PDSS2: variants seen among roughly 807,000 people sequenced by gnomAD.
PDSS2 encodes the protein decaprenyl diphosphate synthase subunit 2.
In PDSS2, 31 loss-of-function variants were observed where a neutral mutation model predicts 44.5. The observed-to-expected ratio is 0.70, with a 90% CI of 0.52 to 0.94. PDSS2 has a LOEUF of 0.94. Ranked by LOEUF, PDSS2 falls within the 40% of genes least tolerant of loss-of-function variation. The probability of loss-of-function intolerance (pLI) is 0.00; values close to 1 mark genes in which losing one functional copy is unlikely to be tolerated. For missense variants in PDSS2, 452 were observed against 482.2 expected (o/e 0.94, Z 0.59); for synonymous variants, 157 against 180.3 (o/e 0.87, Z 1.03).
intron 1 of PDSS2, among the ~76,000 whole-genome samples, chr6:107,418,017 A>C (rs924704137): frequency 3.9e-5 from 6 of 152,200 alleles, no homozygotes; most frequent in Non-Finnish European, 4.4e-5. Context: ...TTAAATAAAA[A>C]TATGCATATT....
At chr6:107,374,879 T>C (rs140247978) in intron 1 of PDSS2, among the ~76,000 whole-genome samples, 8 of 152,132 alleles carry the variant, frequency 5.3e-5, no homozygotes, top group African/African-American at 1.7e-4. Flanking sequence ...CGATTTTGAG[T>C]TCACTACTAG....
At chr6:107,324,670 G>A (rs1777483329) in intron 2 of PDSS2, among the ~76,000 whole-genome samples, 1 of 151,974 alleles carries the variant, frequency 6.6e-6, no homozygotes, top group East Asian at 1.9e-4. Flanking sequence ...GCATTCACAT[G>A]TTATCTTAAA....
chr6:107,444,468 T>G (rs757152320), intron 1 of PDSS2, among the ~76,000 whole-genome samples: 2 of 152,244 alleles, frequency 1.3e-5, no homozygotes, highest in Non-Finnish European at 2.9e-5. Flanking sequence ...CCAGAGCTCA[T>G]GATTACTATA....
intron 7 of PDSS2, among the ~76,000 whole-genome samples, chr6:107,162,515 A>T (rs1223220844): frequency 2.0e-5 from 3 of 147,352 alleles, no homozygotes; most frequent in African/African-American, 7.8e-5. Flanking sequence ...AAAAAAAAAA[A>T]AGGAGAGAGC....
At chr6:107,224,287 G>A (rs946726048) in intron 4 of PDSS2, among the ~76,000 whole-genome samples, 2 of 151,258 alleles carry the variant, frequency 1.3e-5, no homozygotes, top group Admixed American at 1.3e-4. Context: ...ATTTTCTTCA[G>A]GTATTTACTG....
chr6:107,220,094 G>A (rs1773549946), intron 4 of PDSS2, among the ~76,000 whole-genome samples: 1 of 151,202 alleles, frequency 6.6e-6, no homozygotes, highest in Admixed American at 6.6e-5. Flanking sequence ...AACTGTAAAT[G>A]GGCATGAGGG....
At position 107,154,611 on chromosome 6, in the gene PDSS2, A is replaced by G. The variant is rs782236714; in HGVS notation, c.*8T>C. 1.9e-6 allele frequency: 3 copies of G among 1,613,988 alleles called. No individual in the cohort carries two copies. The South Asian group carries it at 3.3e-5, about 18-fold the overall frequency. ...GCTAACTAACAATAGTGTCTTTTTA[A>G]TTTGATGTCATGAAAATCTGGTCAC... is the stretch of plus-strand genomic sequence containing the variant. On this transcript the variant is annotated 3_prime_UTR_variant, in exon 8 of 8. Transcript: ENST00000369037.
intron 7 of PDSS2, among the ~76,000 whole-genome samples, chr6:107,176,431 C>CACAT (rs996234513): frequency 2.0e-4 from 2 of 10,066 alleles, no homozygotes; most frequent in African/African-American, 7.6e-4. Context: ...CACACACATA[C>CACAT]ACACACACAC....
Position 107,412,555 on chromosome 6 carries a change from T to C in PDSS2, c.296+46435A>G, listed in dbSNP as rs117160214. Among the ~76,000 whole-genome samples the C allele has an allele frequency of 9.0e-3, 1,365 of 152,306 alleles. 49 individuals carry two copies. The East Asian group carries it at 0.12, about 13-fold the overall frequency. ...GTGCCCAGCCCTTTGCCCATTTTTC[T>C]ATAATGTTTTTATGAGCATGTGCTA... is the stretch of plus-strand genomic sequence containing the variant. On this transcript the variant is annotated intron_variant, in intron 1 of 7. Transcript: ENST00000369037.
intron 2 of PDSS2, among the ~76,000 whole-genome samples, chr6:107,287,421 T>G (rs945493677): frequency 5.3e-5 from 8 of 152,114 alleles, no homozygotes; most frequent in Non-Finnish European, 8.8e-5. Flanking sequence ...AAAAGTATGG[T>G]ATCTAAAAAA....
intron 2 of PDSS2, among the ~76,000 whole-genome samples, chr6:107,296,255 C>A (rs1407280585): frequency 6.6e-6 from 1 of 152,088 alleles, no homozygotes; most frequent in Non-Finnish European, 1.5e-5. Context: ...TGAGCCTTTC[C>A]TTTGTCTAGT....
chr6:107,263,302 A>G (rs1187523472), intron 3 of PDSS2, among the ~76,000 whole-genome samples: 1 of 152,164 alleles, frequency 6.6e-6, no homozygotes, highest in Non-Finnish European at 1.5e-5. Context: ...AAAATACAAA[A>G]ATTAGCCAGG....
chr6:107,173,680 A>C (rs1029053120), intron 7 of PDSS2, among the ~76,000 whole-genome samples: 5 of 150,622 alleles, frequency 3.3e-5, no homozygotes, highest in Non-Finnish European at 7.4e-5. Context: ...GTTTCTATGC[A>C]TTACTTGAAT....
chr6:107,255,251 G>A (rs1362371801), intron 3 of PDSS2, among the ~76,000 whole-genome samples: 1 of 144,624 alleles, frequency 6.9e-6, no homozygotes, highest in Non-Finnish European at 1.5e-5. Context: ...GAAGTGCAGT[G>A]GTGTGATCTT....
At chr6:107,204,813 T>C (rs557753925) in intron 6 of PDSS2, among the ~76,000 whole-genome samples, 1 of 152,314 alleles carries the variant, frequency 6.6e-6, no homozygotes, top group Non-Finnish European at 1.5e-5. Flanking sequence ...TACTGGGCCA[T>C]AGACAACCTT....
rs961018197 is a variant in PDSS2, at chr6:107,393,777, C to T, written c.297-59445G>A. Among the ~76,000 whole-genome samples, 15 of 152,246 alleles carry T rather than the reference C, an allele frequency of 9.9e-5. No individual in the cohort carries two copies. In the South Asian group the frequency reaches 2.5e-3, roughly 25 times the overall value. On this transcript the variant is annotated intron_variant, in intron 1 of 7. Transcript: ENST00000369037. Reference sequence around the variant, plus strand: ...GGTGCAAAAGTAACTGCAGTTTTTACGATTGAAAGTAATGGCAAAAGCCAC... The same window carrying T: ...GGTGCAAAAGTAACTGCAGTTTTTATGATTGAAAGTAATGGCAAAAGCCAC...
At chr6:107,402,030 G>C (rs1321667618) in intron 1 of PDSS2, among the ~76,000 whole-genome samples, 3 of 152,094 alleles carry the variant, frequency 2.0e-5, no homozygotes, top group Non-Finnish European at 4.4e-5. Flanking sequence ...TGTAATCCTA[G>C]CACTTTGGGA....
chr6:107,210,862 G>GA (rs1480914645), intron 5 of PDSS2, among the ~76,000 whole-genome samples: 2 of 151,496 alleles, frequency 1.3e-5, no homozygotes, highest in African/African-American at 4.9e-5. Context: ...AAATTGGGGG[G>GA]GGTTTGCACA....
intron 1 of PDSS2, among the ~76,000 whole-genome samples, chr6:107,340,346 A>C (rs992879578): frequency 6.6e-6 from 1 of 152,172 alleles, no homozygotes; most frequent in African/African-American, 2.4e-5. Context: ...GAGTAGGTAA[A>C]ACTTTGGGCA....
Sources: gnomAD v4.1 joint callset for allele counts (sites outside exome capture counted in the v4.1 genomes callset) on GRCh38, gnomAD v4.1.1 for gene constraint, MANE v1.5 for transcripts, NCBI Gene and HGNC (gene_info 2026-07-23, HGNC 2026-07-21) for gene names.